Variants in GPAT3 observed in about 807,000 individuals in gnomAD.
GPAT3 encodes 1-AGP acyltransferase 9.
GPAT3 carries 53 observed loss-of-function variants against 58.8 expected under a neutral mutation model. The ratio of observed to expected loss-of-function variants is 0.90; its 90% CI spans 0.72 to 1.13. GPAT3 has a LOEUF of 1.13. Among genes scored for constraint, GPAT3 ranks in the 50% most tolerant of loss-of-function variants. The pLI is 0.00. For missense variants in GPAT3, 511 were observed against 527.6 expected, an observed-to-expected ratio of 0.97 and a Z score of 0.31; for synonymous variants, 197 against 187.4, an observed-to-expected ratio of 1.05 and a Z score of -0.42.
intron 1 of GPAT3, 66 bp downstream of exon 1, chr4:83,536,829 C>T: frequency 6.7e-7 from 1 of 1,496,236 alleles, no homozygotes; most frequent in African/African-American, 1.4e-5. Flanking sequence ...GGGTCCAGTT[C>T]TCAAGGTCAG....
chr4:83,537,978 T>A (rs1028489461), intron 1 of GPAT3, among the ~76,000 whole-genome samples: 4 of 152,172 alleles, frequency 2.6e-5, no homozygotes, highest in African/African-American at 9.7e-5. Context: ...TTAAAAGGTA[T>A]CAAGCACCTT....
At chr4:83,563,357 G>A (rs889020648) in intron 2 of GPAT3, among the ~76,000 whole-genome samples, 2 of 151,704 alleles carry the variant, frequency 1.3e-5, no homozygotes, top group African/African-American at 4.8e-5. Context: ...TTCCACTCCT[G>A]TTACTGACTA....
At chr4:83,566,768 T>C (rs1290415529) in intron 2 of GPAT3, among the ~76,000 whole-genome samples, 1 of 151,732 alleles carries the variant, frequency 6.6e-6, no homozygotes, top group Non-Finnish European at 1.5e-5. Context: ...ATTTTCTTTT[T>C]TTTTCCCCCA....
rs145161922 is a variant in GPAT3, at chr4:83,543,521, C to T, written c.142-1015C>T. Among the ~76,000 whole-genome samples the T allele has an allele frequency of 2.4e-3, 360 of 152,228 alleles. 3 individuals carry two copies. Among genetic ancestry groups the T allele is most frequent in the African/African-American group, 8.0e-3 (334 of 41,542 alleles). ...TCAAAACAAAGTGAGAGTTGTTTTC[C>T]AGTTCTTAAATTCCCTCAAATCTGT... On this transcript the variant is annotated intron_variant, in intron 1 of 11. Coordinates refer to ENST00000264409, the MANE Select transcript of GPAT3 (RefSeq NM_032717.5).
At chr4:83,588,925 A>AT (rs1295263452) in intron 5 of GPAT3, among the ~76,000 whole-genome samples, 1 of 152,066 alleles carries the variant, frequency 6.6e-6, no homozygotes, top group African/African-American at 2.4e-5. Flanking sequence ...TATTATCTTA[A>AT]TTTTTTTTAG....
chr4:83,566,909 A>G (rs1364243437), intron 2 of GPAT3, among the ~76,000 whole-genome samples: 2 of 151,800 alleles, frequency 1.3e-5, no homozygotes, highest in South Asian at 2.1e-4. Context: ...AGTTGCTATT[A>G]TAAATAAGGT....
chr4:83,590,173 G>A (rs577184042), intron 5 of GPAT3, 26 bp from the exon 6 acceptor site: 5 of 1,602,614 alleles, frequency 3.1e-6, no homozygotes, highest in East Asian at 4.5e-5. Context: ...AGAAGACTTC[G>A]AATTTTCCAT....
Position 83,597,427 on chromosome 4 carries a change from C to T in GPAT3, c.911-3C>T, listed in dbSNP as rs751240833. 74 of 1,528,242 alleles carry T rather than the reference C, an allele frequency of 4.8e-5. No individual in the cohort carries two copies. The highest frequency in any genetic ancestry group is 6.3e-5 in the Non-Finnish European group (71 of 1,135,396). The allele number at this position is 1,528,242 out of a possible 1,614,324, so 94.7% of individuals were successfully genotyped here. A position where few individuals can be genotyped will look rare whatever the true frequency, so the allele number is the denominator to read the frequency against. On this transcript the variant is annotated splice_polypyrimidine_tract_variant and splice_region_variant and intron_variant, in intron 8 of 11. Coordinates refer to ENST00000264409, the MANE Select transcript of GPAT3 (RefSeq NM_032717.5). ...TCACGCTCCTACCCTCACCCCCTTG[C>T]AGGAACTTGCATCAACAATACTTCA...
At position 83,539,886 on chromosome 4, in the gene GPAT3, G is replaced by A. The variant is rs189067534; in HGVS notation, c.141+3123G>A. ...TGAAGAGTAAAACTTGGCCAGGTGCGGTGGCTCACGCCTGTAATCCCAGCA... is the reference window on the plus strand; with the variant it reads ...TGAAGAGTAAAACTTGGCCAGGTGCAGTGGCTCACGCCTGTAATCCCAGCA... On this transcript the variant is annotated intron_variant, in intron 1 of 11. Coordinates refer to ENST00000264409, the MANE Select transcript of GPAT3 (RefSeq NM_032717.5). Among the ~76,000 whole-genome samples the A allele has an allele frequency of 7.7e-4, 118 of 152,272 alleles. 2 individuals carry two copies. The highest frequency in any genetic ancestry group is 2.7e-3 in the African/African-American group (113 of 41,556).
chr4:83,571,680 A>T (rs568995645), intron 2 of GPAT3, among the ~76,000 whole-genome samples: 1 of 150,252 alleles, frequency 6.7e-6, no homozygotes, highest in Non-Finnish European at 1.5e-5. Context: ...TCATATATAT[A>T]TGTGTATATA....
In GPAT3 at chr4:83,536,347, G is replaced by T. The variant is rs968691424; in HGVS notation, c.-276G>T. The T allele has an allele frequency of 1.0e-4, 122 of 1,174,948 alleles. No homozygotes were observed. Among genetic ancestry groups the T allele is most frequent in the Non-Finnish European group, 1.2e-4 (111 of 949,522 alleles). The allele number at this position is 1,174,948 out of a possible 1,614,324, so 72.8% of individuals were successfully genotyped here. ...CCCGCAGCTCCGACCACTGGCTCGC[G>T]CTACCCAGGTCTCCGCACGCCGCGG... On this transcript the variant is annotated 5_prime_UTR_variant, in exon 1 of 12. Coordinates refer to ENST00000264409, the MANE Select transcript of GPAT3 (RefSeq NM_032717.5).
intron 1 of GPAT3, among the ~76,000 whole-genome samples, chr4:83,544,055 G>A (rs921405038): frequency 2.6e-5 from 4 of 152,160 alleles, no homozygotes; most frequent in Non-Finnish European, 5.9e-5. Flanking sequence ...AATTTGTTGT[G>A]AAAATAATTG....
At position 83,536,610 on chromosome 4, in the gene GPAT3, G is replaced by A. The variant is rs1250563061; in HGVS notation, c.-13G>A. On this transcript the variant is annotated 5_prime_UTR_variant, in exon 1 of 12. Coordinates refer to ENST00000264409, the MANE Select transcript of GPAT3 (RefSeq NM_032717.5). Reference sequence around the variant, plus strand: ...CTCCACTGCGGACCTCTCCTGAGTGGGTGCGCCGAGTCATGGAGGGCGCAG... The same window carrying A: ...CTCCACTGCGGACCTCTCCTGAGTGAGTGCGCCGAGTCATGGAGGGCGCAG... 6.2e-7 allele frequency: 1 copy of A among 1,610,846 alleles called. No individual in the cohort carries two copies. Among genetic ancestry groups the A allele is most frequent in the Admixed American group, 1.7e-5 (1 of 59,920 alleles).
rs180726520 is a variant in GPAT3, at chr4:83,586,154, G to A, written c.480-1101G>A. Among the ~76,000 whole-genome samples the A allele has an allele frequency of 1.1e-3, 170 of 152,284 alleles. 1 individual carries two copies. The highest frequency in any genetic ancestry group is 3.4e-3 in the African/African-American group (141 of 41,556). ...ATATAAAAGGTACTTAGAATATTGC[G>A]TGGTGTATAGTGTTAGGTGTTGCTT... On this transcript the variant is annotated intron_variant, in intron 3 of 11. Coordinates refer to ENST00000264409, the MANE Select transcript of GPAT3 (RefSeq NM_032717.5).
Position 83,581,805 on chromosome 4 carries a change from T to C in GPAT3, c.452T>C (p.Val151Ala), listed in dbSNP as rs1726145424. 2 of 1,613,562 alleles carry C rather than the reference T, an allele frequency of 1.2e-6. No individual in the cohort carries two copies. The highest frequency in any genetic ancestry group is 2.2e-5 in the South Asian group (2 of 91,050). The change falls in exon 3 of 12, where the codon GTG becomes GCG. Residue 151 changes from valine (V) to alanine (A), a missense_variant. Physicochemically the swap from Val to Ala is moderately conservative, Grantham distance 64. Transcript: ENST00000264409. ...LTMVWVLGVI[V>A]RYCVLLPLRV... ...ATGGTGTGGGTGCTGGGCGTCATAG[T>C]GCGCTATTGTGTCCTACTGCCTCTG...
chr4:83,553,356 A>G (rs2110077398), intron 2 of GPAT3, among the ~76,000 whole-genome samples: 1 of 152,268 alleles, frequency 6.6e-6, no homozygotes, highest in Non-Finnish European at 1.5e-5. Context: ...TATTTTTTAG[A>G]TTGTTTTTCT....
intron 2 of GPAT3, among the ~76,000 whole-genome samples, chr4:83,569,405 A>T (rs1725520759): frequency 6.6e-6 from 1 of 152,222 alleles, no homozygotes; most frequent in Admixed American, 6.5e-5. Context: ...CAAAAAAGAG[A>T]GACCATTTTC....
chr4:83,583,965 A>G (rs564382349), intron 3 of GPAT3, among the ~76,000 whole-genome samples: 2 of 152,270 alleles, frequency 1.3e-5, no homozygotes, highest in Admixed American at 6.5e-5. Flanking sequence ...GTGAGGCTCC[A>G]TTTCAAAAAA....
chr4:83,571,913 C>CA (rs1278977346), intron 2 of GPAT3, among the ~76,000 whole-genome samples: 1 of 151,924 alleles, frequency 6.6e-6, no homozygotes, highest in African/African-American at 2.4e-5. Context: ...GCTGTGAGTA[C>CA]AGGTGCCTGC....
Sources: allele counts gnomAD v4.1 joint callset (sites outside exome capture counted in the v4.1 genomes callset), GRCh38; gene constraint gnomAD v4.1.1; transcripts MANE v1.5; gene names NCBI Gene and HGNC (gene_info 2026-07-23, HGNC 2026-07-21).